Variants in ADGRB3 observed in about 807,000 individuals in gnomAD.
ADGRB3 encodes adhesion G protein-coupled receptor B3, also known as brain-specific angiogenesis inhibitor 3.
ADGRB3 carries 37 observed loss-of-function variants against 193.4 expected under a neutral mutation model. That is an observed-to-expected ratio of 0.19 (90% CI 0.15 to 0.25). The LOEUF (loss-of-function observed/expected upper bound fraction) is 0.25. ADGRB3 is among the 10% of genes least tolerant of loss of function. ADGRB3 has a pLI of 1.00. For synonymous variants in ADGRB3, 690 were observed against 644.2 expected, an observed-to-expected ratio of 1.07 and a Z score of -1.08; for missense variants, 1,637 against 1,852.9, an observed-to-expected ratio of 0.88 and a Z score of 2.14.
At chr6:68,866,080 G>C (rs1327038875) in intron 3 of ADGRB3, among the ~76,000 whole-genome samples, 1 of 150,644 alleles carries the variant, frequency 6.6e-6, no homozygotes, top group Admixed American at 6.7e-5. Flanking sequence ...TTCAGAAGGT[G>C]GGTTACTTAA....
intron 3 of ADGRB3, among the ~76,000 whole-genome samples, chr6:68,873,441 G>A (rs1349561966): frequency 1.3e-5 from 2 of 152,008 alleles, no homozygotes; most frequent in Non-Finnish European, 2.9e-5. Context: ...TAATCCCTGG[G>A]GAAGAAATAA....
At chr6:68,650,385 T>C (rs939490875) in intron 3 of ADGRB3, among the ~76,000 whole-genome samples, 1 of 152,074 alleles carries the variant, frequency 6.6e-6, no homozygotes, top group African/African-American at 2.4e-5. Context: ...ATAATACACA[T>C]ACGTTCATAT....
In ADGRB3 at chr6:69,114,710, G is replaced by A. The variant is rs1424578300; in HGVS notation, c.2480+38672G>A. ...TATAAGTTGTAAGGGAAGGGGTCCA[G>A]TTTCAGTTTTATGCATATGACTAGC... On this transcript the variant is annotated intron_variant, in intron 17 of 31. Coordinates refer to ENST00000370598, the MANE Select transcript of ADGRB3 (RefSeq NM_001704.3). Among the ~76,000 whole-genome samples the A allele has an allele frequency of 2.6e-5, 4 of 152,068 alleles. No individual in the cohort carries two copies. The South Asian group carries it at 6.2e-4, about 24-fold the overall frequency.
At chr6:69,062,279 T>C (rs1771770576) in intron 15 of ADGRB3, among the ~76,000 whole-genome samples, 1 of 152,084 alleles carries the variant, frequency 6.6e-6, no homozygotes, top group East Asian at 1.9e-4. Context: ...ACTATAGATA[T>C]GATTTTCTTA....
At chr6:68,852,429 A>C (rs1273664334) in intron 3 of ADGRB3, among the ~76,000 whole-genome samples, 2 of 151,998 alleles carry the variant, frequency 1.3e-5, no homozygotes, top group Non-Finnish European at 2.9e-5. Flanking sequence ...AAATGCTCAA[A>C]TTATTTTATA....
intron 3 of ADGRB3, among the ~76,000 whole-genome samples, chr6:68,714,695 C>T (rs1438975390): frequency 1.3e-5 from 2 of 151,748 alleles, no homozygotes; most frequent in African/African-American, 4.8e-5. Context: ...TCAGGAATAA[C>T]AGTGATTCAT....
At chr6:68,970,244 T>G (rs1768518992) in intron 8 of ADGRB3, among the ~76,000 whole-genome samples, 1 of 152,076 alleles carries the variant, frequency 6.6e-6, no homozygotes, top group African/African-American at 2.4e-5. Context: ...GCCTCCTCCC[T>G]TTGACTAAAA....
intron 5 of ADGRB3, among the ~76,000 whole-genome samples, chr6:68,938,440 GTATA>G (rs59120080): frequency 0.01 from 1,459 of 144,690 alleles, 14 homozygotes; most frequent in African/African-American, 0.03. Flanking sequence ...ATATTTTGAG[GTATA>G]TATATATATA....
chr6:68,893,892 T>C (rs1766149453), intron 3 of ADGRB3, among the ~76,000 whole-genome samples: 2 of 152,046 alleles, frequency 1.3e-5, no homozygotes, highest in Non-Finnish European at 2.9e-5. Flanking sequence ...CTTCCTCAAA[T>C]ACTTAATCTG....
At chr6:68,661,991 G>C (rs142166783) in intron 3 of ADGRB3, among the ~76,000 whole-genome samples, 1 of 151,422 alleles carries the variant, frequency 6.6e-6, no homozygotes, top group Non-Finnish European at 1.5e-5. Context: ...TTTAAACAAA[G>C]TACCAGAGGG....
chr6:69,055,271 A>G (rs894976709), intron 15 of ADGRB3, among the ~76,000 whole-genome samples: 8 of 152,240 alleles, frequency 5.3e-5, no homozygotes, highest in African/African-American at 1.9e-4. Context: ...GACTATACAC[A>G]TTAAAGCACA....
At chr6:69,126,706 T>C (rs314190) in intron 17 of ADGRB3, among the ~76,000 whole-genome samples, 9,115 of 147,842 alleles carry the variant, frequency 0.062, 386 homozygotes, top group Non-Finnish European at 0.094. Flanking sequence ...CTCACAGACA[T>C]ACCTAGAAAT....
intron 3 of ADGRB3, among the ~76,000 whole-genome samples, chr6:68,786,103 T>G (rs1440575472): frequency 6.6e-6 from 1 of 151,954 alleles, no homozygotes; most frequent in Non-Finnish European, 1.5e-5. Flanking sequence ...TTCTGTAGGT[T>G]GCCTGTTCAC....
At chr6:68,871,027 C>T (rs1185888004) in intron 3 of ADGRB3, among the ~76,000 whole-genome samples, 6 of 152,090 alleles carry the variant, frequency 3.9e-5, no homozygotes, top group Non-Finnish European at 7.4e-5. Context: ...CCTGCAACTT[C>T]GGCTTTTGTA....
rs1766386914 is a variant in ADGRB3, at chr6:69,241,630, A to C, written c.2814+2404A>C. Among the ~76,000 whole-genome samples the C allele has an allele frequency of 3.9e-5, 6 of 151,950 alleles. No homozygotes were observed. In the South Asian group the frequency reaches 1.2e-3, roughly 31 times the overall value. Reference sequence around the variant, plus strand: ...ATGTCTTTTAAGATCTGCAAATATGAATATCAAAGACAAGATGAATTTGGT... The same window carrying C: ...ATGTCTTTTAAGATCTGCAAATATGCATATCAAAGACAAGATGAATTTGGT... On this transcript the variant is annotated intron_variant, in intron 20 of 31. Coordinates refer to ENST00000370598, the MANE Select transcript of ADGRB3 (RefSeq NM_001704.3).
At chr6:68,880,308 T>C (rs1012468232) in intron 3 of ADGRB3, among the ~76,000 whole-genome samples, 2 of 152,210 alleles carry the variant, frequency 1.3e-5, no homozygotes, top group African/African-American at 4.8e-5. Context: ...GTGTTACAGA[T>C]GGCCTATGGT....
intron 20 of ADGRB3, among the ~76,000 whole-genome samples, chr6:69,252,664 G>C (rs1157782113): frequency 1.3e-5 from 2 of 151,930 alleles, no homozygotes; most frequent in Admixed American, 1.3e-4. Context: ...TGATGTGTCT[G>C]TTCAAGTCAT....
At chr6:68,968,243 T>G (rs1768442389) in intron 8 of ADGRB3, among the ~76,000 whole-genome samples, 1 of 152,174 alleles carries the variant, frequency 6.6e-6, no homozygotes, top group Non-Finnish European at 1.5e-5. Context: ...GGCTCACTAG[T>G]GCCATCTAGT....
At chr6:68,740,958 T>C (rs1765969362) in intron 3 of ADGRB3, among the ~76,000 whole-genome samples, 1 of 152,148 alleles carries the variant, frequency 6.6e-6, no homozygotes. Context: ...TTCTCTGAAG[T>C]GCATGCATAC....
Sources: gnomAD v4.1 joint callset for allele counts (sites outside exome capture counted in the v4.1 genomes callset) on GRCh38, gnomAD v4.1.1 for gene constraint, MANE v1.5 for transcripts, NCBI Gene and HGNC (gene_info 2026-07-23, HGNC 2026-07-21) for gene names.